Variants in WDR70 observed in about 807,000 individuals in gnomAD.
WDR70 encodes the protein WD repeat domain 70.
In WDR70, 53 loss-of-function variants were observed where a neutral mutation model predicts 88.6. That is an observed-to-expected ratio of 0.60 (90% CI 0.48 to 0.75). The LOEUF (loss-of-function observed/expected upper bound fraction) is 0.75. WDR70 is among the 30% of genes least tolerant of loss of function. The pLI, the probability that WDR70 is intolerant of heterozygous loss-of-function variation, is 0.00. For synonymous variants in WDR70, 280 were observed against 270.0 expected (o/e 1.04, Z -0.36); for missense variants, 610 against 823.2 (o/e 0.74, Z 3.17).
intron 9 of WDR70, among the ~76,000 whole-genome samples, chr5:37,524,463 A>C (rs1741195134): frequency 6.6e-6 from 1 of 152,192 alleles, no homozygotes; most frequent in Admixed American, 6.5e-5. Context: ...CCTGCCCTAC[A>C]AGAGCTCCTG....
chr5:37,543,684 C>A (rs987463821), intron 9 of WDR70, among the ~76,000 whole-genome samples: 5 of 152,028 alleles, frequency 3.3e-5, no homozygotes, highest in Non-Finnish European at 7.4e-5. Context: ...ATCTCCCCAA[C>A]CTCACCTTTT....
Position 37,447,204 on chromosome 5 carries a change from C to A in WDR70, c.686+3832C>A, listed in dbSNP as rs191850461. Among the ~76,000 whole-genome samples the A allele has an allele frequency of 1.1e-3, 175 of 152,250 alleles. 1 individual carries two copies. Among genetic ancestry groups the A allele is most frequent in the Non-Finnish European group, 1.2e-4 (8 of 68,012 alleles). ...ATGAAAAAATGCTCATCATCATTGG[C>A]CATTAGAGAAATGCAAATCAAAACC... On this transcript the variant is annotated intron_variant, in intron 7 of 17. Transcript: ENST00000265107.
intron 9 of WDR70, among the ~76,000 whole-genome samples, chr5:37,563,306 G>GC (rs544021735): frequency 0.25 from 9,612 of 38,216 alleles, 3,972 homozygotes; most frequent in African/African-American, 0.71. Flanking sequence ...CGGGGGGCTG[G>GC]CCCCCCACCT....
At chr5:37,551,727 C>CAA (rs111767188) in intron 9 of WDR70, among the ~76,000 whole-genome samples, 75 of 97,318 alleles carry the variant, frequency 7.7e-4, no homozygotes, top group African/African-American at 2.2e-3. Context: ...GACTCTTTCT[C>CAA]AAAAAAAAAA....
intron 3 of WDR70, among the ~76,000 whole-genome samples, chr5:37,387,436 A>G (rs181448782): frequency 6.6e-6 from 1 of 152,292 alleles, no homozygotes; most frequent in East Asian, 1.9e-4. Context: ...AATTGTCTCA[A>G]GACTATGATC....
intron 7 of WDR70, among the ~76,000 whole-genome samples, chr5:37,452,502 G>T (rs1404203776): frequency 6.6e-6 from 1 of 152,168 alleles, no homozygotes; most frequent in Non-Finnish European, 1.5e-5. Flanking sequence ...TTGACCTCAA[G>T]TGATCTGCCT....
intron 15 of WDR70, chr5:37,724,163 G>C (rs892908988): frequency 6.6e-6 from 1 of 152,028 alleles, no homozygotes; most frequent in Non-Finnish European, 1.5e-5. Context: ...CAAAAAAAGG[G>C]AGTTATTTAA....
chr5:37,674,393 C>T (rs1258599849), intron 10 of WDR70, among the ~76,000 whole-genome samples: 1 of 152,020 alleles, frequency 6.6e-6, no homozygotes, highest in Non-Finnish European at 1.5e-5. Flanking sequence ...TTCCCCAACC[C>T]CACAACAGTC....
intron 8 of WDR70, among the ~76,000 whole-genome samples, chr5:37,501,702 C>T (rs1740410383): frequency 6.6e-6 from 1 of 152,022 alleles, no homozygotes; most frequent in African/African-American, 2.4e-5. Flanking sequence ...ATAGGGTGTT[C>T]TTTCTCCAAT....
At chr5:37,565,369 T>A (rs1742706962) in intron 9 of WDR70, among the ~76,000 whole-genome samples, 1 of 152,206 alleles carries the variant, frequency 6.6e-6, no homozygotes, top group Non-Finnish European at 1.5e-5. Flanking sequence ...TAAGGTCTTT[T>A]AAAAATCCCT....
chr5:37,490,234 A>G (rs949278289), intron 8 of WDR70, among the ~76,000 whole-genome samples: 2 of 152,110 alleles, frequency 1.3e-5, no homozygotes, highest in African/African-American at 4.8e-5. Flanking sequence ...GCACAAATGC[A>G]GGCTGTGTTG....
chr5:37,641,181 C>T (rs1262678080), intron 10 of WDR70, among the ~76,000 whole-genome samples: 1 of 152,164 alleles, frequency 6.6e-6, no homozygotes, highest in Non-Finnish European at 1.5e-5. Flanking sequence ...ACGATCTTGG[C>T]TCACTGCAAC....
At chr5:37,711,108 G>A (rs10074395) in intron 13 of WDR70, among the ~76,000 whole-genome samples, 3 of 152,036 alleles carry the variant, frequency 2.0e-5, no homozygotes, top group Non-Finnish European at 4.4e-5. Context: ...TTAGGAGGAA[G>A]CTTCTAAGTT....
chr5:37,510,906 G>A (rs1740702723), intron 8 of WDR70, among the ~76,000 whole-genome samples: 1 of 152,178 alleles, frequency 6.6e-6, no homozygotes, highest in African/African-American at 2.4e-5. Context: ...GAAGGACTAT[G>A]ACAGAAATGA....
intron 10 of WDR70, among the ~76,000 whole-genome samples, chr5:37,634,816 G>A (rs187362392): frequency 2.0e-4 from 31 of 152,332 alleles, no homozygotes; most frequent in African/African-American, 7.2e-4. Context: ...ACCTGTCAAG[G>A]TAGGGAGATT....
chr5:37,404,552 G>T (rs1440651066), intron 5 of WDR70, among the ~76,000 whole-genome samples: 1 of 152,110 alleles, frequency 6.6e-6, no homozygotes, highest in African/African-American at 2.4e-5. Context: ...CATGGCAGAG[G>T]CCATAAGCTC....
chr5:37,551,397 T>A (rs1436921471), intron 9 of WDR70, among the ~76,000 whole-genome samples: 2 of 152,076 alleles, frequency 1.3e-5, no homozygotes, highest in Non-Finnish European at 2.9e-5. Context: ...TTTTTGTTAT[T>A]ACTATTTATG....
intron 9 of WDR70, among the ~76,000 whole-genome samples, chr5:37,525,892 A>G (rs187666725): frequency 5.3e-5 from 8 of 152,354 alleles, no homozygotes; most frequent in South Asian, 2.1e-4. Flanking sequence ...GAAGAAATGG[A>G]TAAATTCCTG....
At chr5:37,476,102 C>G (rs1229214915) in intron 7 of WDR70, among the ~76,000 whole-genome samples, 1 of 151,894 alleles carries the variant, frequency 6.6e-6, no homozygotes, top group African/African-American at 2.4e-5. Context: ...CCACCCACCT[C>G]AGCCTCCCAA....
Sources: allele counts gnomAD v4.1 joint callset (sites outside exome capture counted in the v4.1 genomes callset), GRCh38; gene constraint gnomAD v4.1.1; transcripts MANE v1.5; gene names NCBI Gene and HGNC (gene_info 2026-07-23, HGNC 2026-07-21).